The following DRG1 variants were observed in gnomAD, a reference collection of about 807,000 sequenced individuals.
The protein encoded by DRG1 is developmentally regulated GTP binding protein 1.
Under a neutral mutation model 38.8 loss-of-function variants are expected in DRG1, and 19 were observed. That is an observed-to-expected ratio of 0.49 (90% CI 0.34 to 0.72). The LOEUF (loss-of-function observed/expected upper bound fraction) is 0.72. Among genes scored for constraint, DRG1 ranks in the 30% least tolerant of loss-of-function variants. The pLI is 0.01. For synonymous variants in DRG1, 167 were observed against 157.5 expected (o/e 1.06, Z -0.45); for missense variants, 299 against 444.8 (o/e 0.67, Z 2.95).
chr22:31,426,562 C>G, intron 6 of DRG1, 53 bp from the exon 7 acceptor site: 1 of 1,515,930 alleles, frequency 6.6e-7, no homozygotes, highest in Non-Finnish European at 9.0e-7. Context: ...AACAGTCTGA[C>G]AGTTCTGTCA....
chr22:31,433,999 C>T lies in DRG1; in HGVS notation c.*28C>T, dbSNP rs374964620. The T allele has an allele frequency of 9.5e-5, 152 of 1,599,824 alleles. 1 individual carries two copies. The East Asian group carries it at 1.5e-3, about 15-fold the overall frequency. On this transcript the variant is annotated 3_prime_UTR_variant, in exon 9 of 9. Coordinates refer to ENST00000331457, the MANE Select transcript of DRG1 (RefSeq NM_004147.4). ...CCTTTCCCTTTTCCCATCTGCCGGACGAACCACAACAGCGTTCCCCATGAT... is the reference window on the plus strand; with the variant it reads ...CCTTTCCCTTTTCCCATCTGCCGGATGAACCACAACAGCGTTCCCCATGAT...
chr22:31,427,362 T>C (rs2050116423), intron 8 of DRG1, among the ~76,000 whole-genome samples, 180 bp downstream of exon 8: 1 of 152,158 alleles, frequency 6.6e-6, no homozygotes, highest in Non-Finnish European at 1.5e-5. Context: ...GGAAGAGCTC[T>C]AGAAACCTCT....
intron 4 of DRG1, among the ~76,000 whole-genome samples, chr22:31,417,658 T>A (rs1456659604): frequency 6.7e-6 from 1 of 149,262 alleles, no homozygotes; most frequent in Non-Finnish European, 1.5e-5. Context: ...CCAGCCTGCA[T>A]GACAGAGCAA....
At chr22:31,433,774 GTA>G in intron 8 of DRG1, 96 bp from the exon 9 acceptor site, 1 of 1,007,892 alleles carries the variant, frequency 9.9e-7, no homozygotes, top group Non-Finnish European at 1.5e-6. Flanking sequence ...GTTCTTAAGG[GTA>G]TGATACTAAA....
At chr22:31,412,840 C>T (rs1569047441) in intron 4 of DRG1, among the ~76,000 whole-genome samples, 1 of 152,046 alleles carries the variant, frequency 6.6e-6, no homozygotes, top group South Asian at 2.1e-4. Context: ...TGCGTGCCAC[C>T]ATACCCGGCT....
intron 4 of DRG1, among the ~76,000 whole-genome samples, chr22:31,418,746 ATC>A (rs761084947): frequency 6.6e-6 from 1 of 152,204 alleles, no homozygotes; most frequent in East Asian, 1.9e-4. Flanking sequence ...CAGTGGCGCA[ATC>A]TCAGCTCACT....
At chr22:31,399,832 C>T (rs1753977267) in intron 1 of DRG1, 107 bp downstream of exon 1, 4 of 1,529,640 alleles carry the variant, frequency 2.6e-6, no homozygotes, top group East Asian at 2.3e-5. Context: ...GCCTAGATTC[C>T]GCGACTTCTC....
At chr22:31,410,479 C>T (rs1326991439) in intron 3 of DRG1, among the ~76,000 whole-genome samples, 1 of 151,390 alleles carries the variant, frequency 6.6e-6, no homozygotes, top group African/African-American at 2.4e-5. Flanking sequence ...AAACAAAAAA[C>T]GCCTATAGGC....
At chr22:31,419,994 G>C (rs11089502) in intron 4 of DRG1, among the ~76,000 whole-genome samples, 5,019 of 152,282 alleles carry the variant, frequency 0.033, 208 homozygotes, top group Admixed American at 0.082. Flanking sequence ...AGTAAGCCAA[G>C]ATTGTGCCAC....
At chr22:31,415,474 C>G (rs1424335416) in intron 4 of DRG1, among the ~76,000 whole-genome samples, 2 of 152,166 alleles carry the variant, frequency 1.3e-5, no homozygotes, top group South Asian at 4.1e-4. Context: ...TTGTTAGAAT[C>G]TACACTTTAT....
intron 6 of DRG1, among the ~76,000 whole-genome samples, chr22:31,423,863 CTT>C (rs71202076): frequency 0.29 from 33,985 of 118,904 alleles, 4,813 homozygotes; most frequent in East Asian, 0.53. Flanking sequence ...GCTTTGGTTT[CTT>C]TTTTTTTTTT....
At chr22:31,409,998 A>AAAAC (rs1049518247) in intron 3 of DRG1, among the ~76,000 whole-genome samples, 1 of 152,090 alleles carries the variant, frequency 6.6e-6, no homozygotes, top group Non-Finnish European at 1.5e-5. Flanking sequence ...CCGTCTTTTA[A>AAAAC]AAACAAACAA....
intron 3 of DRG1, among the ~76,000 whole-genome samples, chr22:31,408,627 C>T (rs912514727): frequency 7.9e-5 from 12 of 151,818 alleles, no homozygotes; most frequent in African/African-American, 2.4e-4. Context: ...GTGGCGAGCA[C>T]CTGTAATCCC....
rs1458320522 is a variant in DRG1, at chr22:31,399,646, A to G, written c.-38A>G. ...GTGGCAGTTTGCCCGCGGGTGTGTGAAGGGAGACAGTGTGGAGGCCACAGG... is the reference window on the plus strand; with the variant it reads ...GTGGCAGTTTGCCCGCGGGTGTGTGGAGGGAGACAGTGTGGAGGCCACAGG... On this transcript the variant is annotated 5_prime_UTR_variant, in exon 1 of 9. Coordinates refer to ENST00000331457, the MANE Select transcript of DRG1 (RefSeq NM_004147.4). The G allele has an allele frequency of 6.2e-7, 1 of 1,613,956 alleles. No individual in the cohort carries two copies.
intron 3 of DRG1, among the ~76,000 whole-genome samples, chr22:31,406,113 TGCCTCAGCCTCCTG>T (rs1449256779): frequency 6.6e-6 from 1 of 151,366 alleles, no homozygotes; most frequent in Non-Finnish European, 1.5e-5. Flanking sequence ...GTGATTCTCC[TGCCTCAGCCTCCTG>T]AGTAGCTGGG....
chr22:31,420,232 G>T (rs372624238), intron 4 of DRG1, 24 bp from the exon 5 acceptor site: 61 of 1,606,338 alleles, frequency 3.8e-5, no homozygotes, highest in Admixed American at 1.0e-4. Context: ...ACTTTCTTGC[G>T]TATGTTTTTT....
chr22:31,424,811 C>CCT (rs71202078), intron 6 of DRG1, among the ~76,000 whole-genome samples: 516 of 36,232 alleles, frequency 0.014, 12 homozygotes, highest in East Asian at 0.064. Context: ...CCCCCCCCCC[C>CCT]TTTTTTTTTT....
intron 5 of DRG1, among the ~76,000 whole-genome samples, chr22:31,422,721 T>A (rs2050083727): frequency 7.4e-6 from 1 of 135,546 alleles, no homozygotes; most frequent in African/African-American, 2.5e-5. Flanking sequence ...ACATTTAAGA[T>A]TATTTCTGTG....
At chr22:31,406,624 G>A (rs2049991339) in intron 3 of DRG1, among the ~76,000 whole-genome samples, 2 of 151,182 alleles carry the variant, frequency 1.3e-5, no homozygotes, top group Non-Finnish European at 2.9e-5. Flanking sequence ...GCAGTGAGCC[G>A]AGATCGTGTT....
Sources: allele counts gnomAD v4.1 joint callset (sites outside exome capture counted in the v4.1 genomes callset), GRCh38; gene constraint gnomAD v4.1.1; transcripts MANE v1.5; gene names NCBI Gene and HGNC (gene_info 2026-07-23, HGNC 2026-07-21).